Variants in NSMCE2 observed in about 807,000 individuals in gnomAD.
NSMCE2 encodes NSE2 SUMO ligase component of SMC5/6 complex.
In NSMCE2, 24 loss-of-function variants were observed where a neutral mutation model predicts 23.8. The observed-to-expected ratio is 1.01, with a 90% confidence interval of 0.73 to 1.42. The LOEUF (loss-of-function observed/expected upper bound fraction) is 1.42, where lower values mean the gene tolerates loss of function less well. Among genes scored for constraint, NSMCE2 ranks in the 40% most tolerant of loss-of-function variants. NSMCE2 has a pLI of 0.00. For synonymous variants in NSMCE2, 92 were observed against 94.1 expected, an observed-to-expected ratio of 0.98 and a Z score of 0.13; for missense variants, 284 against 296.5, an observed-to-expected ratio of 0.96 and a Z score of 0.31.
chr8:125,246,817 G>C (rs1421310902), intron 5 of NSMCE2, among the ~76,000 whole-genome samples: 1 of 152,026 alleles, frequency 6.6e-6, no homozygotes, highest in Non-Finnish European at 1.5e-5. Context: ...TTTCGATATA[G>C]ATATAAATTA....
At chr8:125,343,028 A>G (rs1425495117) in intron 5 of NSMCE2, among the ~76,000 whole-genome samples, 3 of 152,228 alleles carry the variant, frequency 2.0e-5, no homozygotes, top group East Asian at 1.9e-4. Context: ...GAATGTTTAA[A>G]TGGATCAAAA....
chr8:125,165,526 A>G (rs1821832812), intron 4 of NSMCE2, among the ~76,000 whole-genome samples: 1 of 152,218 alleles, frequency 6.6e-6, no homozygotes, highest in Non-Finnish European at 1.5e-5. Context: ...CAGTGGTTTA[A>G]TGATATTATC....
intron 3 of NSMCE2, among the ~76,000 whole-genome samples, chr8:125,145,024 C>G (rs1183612967): frequency 6.6e-6 from 1 of 152,196 alleles, no homozygotes; most frequent in Admixed American, 6.5e-5. Flanking sequence ...CGCAGGCCAA[C>G]TTCACCCATT....
intron 5 of NSMCE2, chr8:125,351,551 A>G (rs371392161): frequency 2.6e-5 from 4 of 152,254 alleles, no homozygotes; most frequent in East Asian, 3.9e-4. Flanking sequence ...ATATGCTTCT[A>G]ACAACATCGT....
At position 125,360,307 on chromosome 8, in the gene NSMCE2, T is replaced by A. The variant is rs561963938; in HGVS notation, c.626+2489T>A. ...GAGGACTCAGAACTATCGATGTGGA[T>A]TGGGAGGTTATCAGTATAGACGAGT... On this transcript the variant is annotated intron_variant, in intron 7 of 7. Transcript: ENST00000287437. Among the ~76,000 whole-genome samples, 12 of 152,172 alleles carry A rather than the reference T, an allele frequency of 7.9e-5. No individual in the cohort carries two copies. In the South Asian group the frequency reaches 2.5e-3, roughly 32 times the overall value.
intron 5 of NSMCE2, among the ~76,000 whole-genome samples, chr8:125,251,900 A>G (rs1178565122): frequency 2.0e-5 from 3 of 152,202 alleles, no homozygotes; most frequent in Non-Finnish European, 4.4e-5. Flanking sequence ...TACTGCCACC[A>G]TAAGACCTGG....
Position 125,284,013 on chromosome 8 carries a change from G to T in NSMCE2, c.419-73206G>T, listed in dbSNP as rs1260412491. 2.0e-5 allele frequency among the ~76,000 whole-genome samples: 3 copies of T among 152,018 alleles called. No individual in the cohort carries two copies. The East Asian group carries it at 5.8e-4, about 29-fold the overall frequency. On this transcript the variant is annotated intron_variant, in intron 5 of 7. Coordinates refer to ENST00000287437, the MANE Select transcript of NSMCE2 (RefSeq NM_173685.4). Reference sequence around the variant, plus strand: ...CTAAAAATACAAAAAAATTAGCTGGGCGTGGTGGCGGGCGCCTGTAGTCTC... The same window carrying T: ...CTAAAAATACAAAAAAATTAGCTGGTCGTGGTGGCGGGCGCCTGTAGTCTC...
chr8:125,343,590 G>T (rs751111215), intron 5 of NSMCE2, among the ~76,000 whole-genome samples: 1 of 152,028 alleles, frequency 6.6e-6, no homozygotes, highest in Non-Finnish European at 1.5e-5. Context: ...AGCAAGCCCA[G>T]ATTGTTCCAT....
At chr8:125,328,693 T>C (rs1469817212) in intron 5 of NSMCE2, among the ~76,000 whole-genome samples, 1 of 152,252 alleles carries the variant, frequency 6.6e-6, no homozygotes, top group African/African-American at 2.4e-5. Context: ...GAATCAGTGA[T>C]TTGCTATCTA....
chr8:125,120,339 G>A (rs757483492), intron 3 of NSMCE2, among the ~76,000 whole-genome samples: 4 of 152,102 alleles, frequency 2.6e-5, no homozygotes, highest in South Asian at 2.1e-4. Context: ...CAAACCAGTC[G>A]GTAAAACGAG....
intron 5 of NSMCE2, among the ~76,000 whole-genome samples, chr8:125,305,438 T>C (rs749782495): frequency 2.0e-5 from 3 of 151,946 alleles, no homozygotes; most frequent in Non-Finnish European, 4.4e-5. Flanking sequence ...AGAGGAGAAA[T>C]GGAGTAGGGA....
At chr8:125,179,366 C>T (rs1563700787) in intron 4 of NSMCE2, among the ~76,000 whole-genome samples, 1 of 151,852 alleles carries the variant, frequency 6.6e-6, no homozygotes, top group Non-Finnish European at 1.5e-5. Flanking sequence ...CAAAAATTCT[C>T]CTAAGAAAAG....
At chr8:125,365,120 T>C (rs1171859872) in intron 7 of NSMCE2, among the ~76,000 whole-genome samples, 1 of 151,968 alleles carries the variant, frequency 6.6e-6, no homozygotes, top group African/African-American at 2.4e-5. Flanking sequence ...CGAGTCCCAG[T>C]GGCCCACTCA....
At chr8:125,274,167 A>G (rs567618436) in intron 5 of NSMCE2, among the ~76,000 whole-genome samples, 100 of 152,330 alleles carry the variant, frequency 6.6e-4, no homozygotes, top group Admixed American at 3.5e-3. Context: ...CTTAACCCGT[A>G]CTGCTTGGCA....
chr8:125,195,879 CTTTTTTTTTTT>C (rs34687223), intron 5 of NSMCE2, among the ~76,000 whole-genome samples: 7 of 83,626 alleles, frequency 8.4e-5, no homozygotes, highest in South Asian at 4.8e-4. Context: ...TCCTGAATAA[CTTTTTTTTTTT>C]TTTTTTTTTT....
chr8:125,291,839 A>G (rs1165963668), intron 5 of NSMCE2, among the ~76,000 whole-genome samples: 2 of 152,202 alleles, frequency 1.3e-5, no homozygotes, highest in Non-Finnish European at 2.9e-5. Flanking sequence ...GAGTTTCTAT[A>G]TAAACAACTC....
At chr8:125,110,406 G>A (rs1380049359) in intron 3 of NSMCE2, among the ~76,000 whole-genome samples, 1 of 152,140 alleles carries the variant, frequency 6.6e-6, no homozygotes, top group Non-Finnish European at 1.5e-5. Context: ...AGTTAATTGG[G>A]TATTTGTTGA....
chr8:125,295,481 A>G (rs1317587400), intron 5 of NSMCE2, among the ~76,000 whole-genome samples: 1 of 152,224 alleles, frequency 6.6e-6, no homozygotes, highest in East Asian at 1.9e-4. Context: ...AGGCCTTAAC[A>G]GTAGAGTGAT....
chr8:125,306,397 C>T (rs748396226), intron 5 of NSMCE2, among the ~76,000 whole-genome samples: 15 of 151,954 alleles, frequency 9.9e-5, no homozygotes, highest in East Asian at 1.9e-4. Context: ...TTTCACCACT[C>T]ATTGTCCCAT....
Sources: allele counts gnomAD v4.1 joint callset (sites outside exome capture counted in the v4.1 genomes callset), GRCh38; gene constraint gnomAD v4.1.1; transcripts MANE v1.5; gene names NCBI Gene and HGNC (gene_info 2026-07-23, HGNC 2026-07-21).